Variants in MYOCOS observed in about 807,000 individuals in gnomAD.
MYOCOS encodes the protein myocilin opposite strand.
Position 171,606,548 on chromosome 1 carries a change from A to G in MYOCOS, c.-252+5468A>G, listed in dbSNP as rs111529181. The stretch of plus-strand genomic sequence containing the variant: ...CCGATGTTACCCACAGATTTCAGGC[A>G]TTGTATAAAAGAACATTGTGGAACT... On this transcript the variant is annotated intron_variant, in intron 1 of 3. Coordinates refer to the MYOCOS transcript ENST00000636697. Among the ~76,000 whole-genome samples, 1,141 of 152,094 alleles carry G rather than the reference A, an allele frequency of 7.5e-3. 8 individuals are homozygous for G. Among genetic ancestry groups the G allele is most frequent in the Admixed American group, 0.016 (247 of 15,304 alleles).
chr1:171,623,761 A>G (rs1652621886), intron 1 of MYOCOS, 80 bp from the exon 2 acceptor site: 1 of 397,026 alleles, frequency 2.5e-6, no homozygotes, highest in Admixed American at 4.4e-5. Flanking sequence ...GTTCTCTGCA[A>G]ACTGCGCCAT....
chr1:171,618,763 A>G (rs1652496660), upstream of MYOCOS, among the ~76,000 whole-genome samples: 1 of 152,092 alleles, frequency 6.6e-6, no homozygotes, highest in South Asian at 2.1e-4. Context: ...TTTAGTAGAG[A>G]CGGGGTTTCA....
At chr1:171,604,488 AG>A (rs1209656983) in intron 1 of MYOCOS, 1 of 152,254 alleles carries the variant, frequency 6.6e-6, no homozygotes. Context: ...TATATAATCC[AG>A]GAAGTGACCA....
At chr1:171,601,153 G>A (rs757447349) in intron 1 of MYOCOS, 4 of 152,272 alleles carry the variant, frequency 2.6e-5, no homozygotes, top group Admixed American at 1.3e-4. Flanking sequence ...TTAACACAGT[G>A]GCTGAACACC....
intron 2 of MYOCOS, among the ~76,000 whole-genome samples, chr1:171,616,698 T>C (rs960286452): frequency 1.3e-5 from 2 of 152,168 alleles, no homozygotes; most frequent in South Asian, 4.1e-4. Context: ...GATATATTGG[T>C]TGAGTTCAGG....
At chr1:171,610,630 C>T (rs1171120947) in intron 1 of MYOCOS, among the ~76,000 whole-genome samples, 2 of 152,106 alleles carry the variant, frequency 1.3e-5, no homozygotes, top group Admixed American at 6.5e-5. Context: ...GATAAGTAAC[C>T]CATTTCTGCA....
intron 2 of MYOCOS, among the ~76,000 whole-genome samples, chr1:171,624,623 T>G (rs1441828123): frequency 2.2e-5 from 3 of 137,296 alleles, no homozygotes; most frequent in African/African-American, 2.7e-5. Flanking sequence ...TGTGTGTGTG[T>G]TTTTTTTTAG....
intron 1 of MYOCOS, among the ~76,000 whole-genome samples, chr1:171,606,174 G>T (rs1652239507): frequency 1.3e-5 from 2 of 152,102 alleles, no homozygotes; most frequent in Non-Finnish European, 2.9e-5. Context: ...TCCCTTGTTG[G>T]CTACCTGTAC....
intron 1 of MYOCOS, among the ~76,000 whole-genome samples, chr1:171,601,631 A>G (rs1652144133): frequency 6.6e-6 from 1 of 152,290 alleles, no homozygotes; most frequent in Admixed American, 6.5e-5. Context: ...ACTGGCCAGC[A>G]TTAGAGGTGG....
At chr1:171,611,858 C>CCT (rs1178730481) in intron 1 of MYOCOS, among the ~76,000 whole-genome samples, 2 of 149,072 alleles carry the variant, frequency 1.3e-5, no homozygotes, top group African/African-American at 5.2e-5. Context: ...ATGCCCCAGA[C>CCT]CTCTGGATCC....
intron 1 of MYOCOS, among the ~76,000 whole-genome samples, chr1:171,609,498 T>C (rs1652316742): frequency 3.9e-5 from 6 of 152,172 alleles, no homozygotes; most frequent in Admixed American, 3.9e-4. Context: ...GTCTCAGAGT[T>C]GGCAAGGATG....
intron 2 of MYOCOS, among the ~76,000 whole-genome samples, chr1:171,625,397 C>T (rs1438768107): frequency 6.6e-6 from 1 of 152,176 alleles, no homozygotes; most frequent in African/African-American, 2.4e-5. Context: ...CCAGTTCTGC[C>T]TTCTACTGGT....
At chr1:171,616,245 C>CAAAA (rs970060039) in intron 2 of MYOCOS, among the ~76,000 whole-genome samples, 2 of 142,384 alleles carry the variant, frequency 1.4e-5, no homozygotes, top group East Asian at 4.1e-4. Flanking sequence ...AACAAACAAA[C>CAAAA]AAAAAAACAA....
upstream of MYOCOS, among the ~76,000 whole-genome samples, chr1:171,620,393 A>G (rs994772864): frequency 1.3e-5 from 2 of 152,194 alleles, no homozygotes; most frequent in African/African-American, 4.8e-5. Context: ...TTTCTTTGCC[A>G]TATTTTGAAA....
chr1:171,608,408 CTTTTTTTTTTTT>C (rs34773729), intron 1 of MYOCOS, among the ~76,000 whole-genome samples: 5 of 51,362 alleles, frequency 9.7e-5, no homozygotes, highest in Non-Finnish European at 1.7e-4. Flanking sequence ...GGGAACCAGA[CTTTTTTTTTTTT>C]TTTTTTTTTT....
At chr1:171,606,889 T>C (rs1652254314) in intron 1 of MYOCOS, among the ~76,000 whole-genome samples, 1 of 151,992 alleles carries the variant, frequency 6.6e-6, no homozygotes. Flanking sequence ...GTCTGGAGTC[T>C]AAGACCAGCC....
chr1:171,616,147 G>A (rs1252763247), intron 2 of MYOCOS, among the ~76,000 whole-genome samples: 1 of 152,162 alleles, frequency 6.6e-6, no homozygotes, highest in African/African-American at 2.4e-5. Context: ...AACCCCAGAG[G>A]CAGAGGTTGC....
chr1:171,620,755 ATTTCTTTCTT>A (rs1652547169), upstream of MYOCOS, among the ~76,000 whole-genome samples: 1 of 144,990 alleles, frequency 6.9e-6, no homozygotes, highest in African/African-American at 2.6e-5. Context: ...AAACCAATGT[ATTTCTTTCTT>A]TTTCTTTCTT....
chr1:171,612,830 C>CA (rs578130383), intron 1 of MYOCOS, among the ~76,000 whole-genome samples: 40 of 151,630 alleles, frequency 2.6e-4, no homozygotes, highest in African/African-American at 6.3e-4. Flanking sequence ...AACTCCATCT[C>CA]AAAAAAAACA....
Sources: gnomAD v4.1 joint callset for allele counts (sites outside exome capture counted in the v4.1 genomes callset) on GRCh38, gnomAD v4.1.1 for gene constraint, MANE v1.5 for transcripts, NCBI Gene and HGNC (gene_info 2026-07-23, HGNC 2026-07-21) for gene names.